DLG1: variants seen among roughly 807,000 people sequenced by gnomAD.
DLG1 encodes discs large MAGUK scaffold protein 1.
Under a neutral mutation model 123.4 loss-of-function variants are expected in DLG1, and 42 were observed. The ratio of observed to expected loss-of-function variants is 0.34; its 90% CI spans 0.27 to 0.44. The LOEUF (loss-of-function observed/expected upper bound fraction) is 0.44. Among genes scored for constraint, DLG1 ranks in the 20% least tolerant of loss-of-function variants. The pLI, the probability that DLG1 is intolerant of heterozygous loss-of-function variation, is 1.00. For synonymous variants in DLG1, 317 were observed against 356.2 expected, an observed-to-expected ratio of 0.89 and a Z score of 1.24; for missense variants, 942 against 1,082.6, an observed-to-expected ratio of 0.87 and a Z score of 1.82.
chr3:197,077,239 A>ATG (rs1436134304), intron 17 of DLG1, among the ~76,000 whole-genome samples: 2 of 150,838 alleles, frequency 1.3e-5, no homozygotes, highest in Admixed American at 1.3e-4. Flanking sequence ...AAATATATAT[A>ATG]TATTTATATA....
chr3:197,218,894 A>C (rs3010117), intron 4 of DLG1, among the ~76,000 whole-genome samples: 42,799 of 152,096 alleles, frequency 0.28, 6,385 homozygotes, highest in Middle Eastern at 0.38. Context: ...CACTTTGGGA[A>C]GCCGAGGCGG....
intron 4 of DLG1, among the ~76,000 whole-genome samples, chr3:197,262,429 T>A (rs543033536): frequency 7.0e-4 from 107 of 152,334 alleles, no homozygotes; most frequent in Non-Finnish European, 1.0e-3. Context: ...TTCATCTGTA[T>A]CCTTTATAAC....
chr3:197,296,482 G>T lies in DLG1; in HGVS notation c.20-5C>A, dbSNP rs767798512. Reference sequence around the variant, plus strand: ...GGTGCAATGCTCTCTGGGTATCTGAGAAGAAAAAGCAGAGCCTGATTAAAA... The same window carrying T: ...GGTGCAATGCTCTCTGGGTATCTGATAAGAAAAAGCAGAGCCTGATTAAAA... On this transcript the variant is annotated splice_region_variant and splice_polypyrimidine_tract_variant and intron_variant, in intron 2 of 24. Transcript: ENST00000667157. 1 of 1,612,422 alleles carries T rather than the reference G, an allele frequency of 6.2e-7. No homozygotes were observed. Among genetic ancestry groups the T allele is most frequent in the Non-Finnish European group, 8.5e-7 (1 of 1,179,280 alleles).
intron 17 of DLG1, among the ~76,000 whole-genome samples, chr3:197,079,087 G>T (rs905334820): frequency 2.0e-5 from 3 of 152,096 alleles, no homozygotes; most frequent in African/African-American, 7.2e-5. Flanking sequence ...AGACAAAAAT[G>T]TGTAGGGAAA....
intron 3 of DLG1, among the ~76,000 whole-genome samples, chr3:197,294,274 T>TG (rs2151276952): frequency 6.6e-6 from 1 of 152,270 alleles, no homozygotes; most frequent in Admixed American, 6.5e-5. Context: ...GAACATTAAA[T>TG]ATAAGTAAAT....
At chr3:197,263,471 G>A (rs2150979908) in intron 4 of DLG1, among the ~76,000 whole-genome samples, 1 of 152,184 alleles carries the variant, frequency 6.6e-6, no homozygotes, top group Admixed American at 6.5e-5. Context: ...GGATTCTAAG[G>A]TCCAACAGGA....
chr3:197,113,727 TTAGA>T (rs1207759344), intron 13 of DLG1, among the ~76,000 whole-genome samples: 1 of 152,192 alleles, frequency 6.6e-6, no homozygotes, highest in African/African-American at 2.4e-5. Context: ...GCTTTTAAGA[TTAGA>T]TAAAGAAAAT....
intron 6 of DLG1, among the ~76,000 whole-genome samples, chr3:197,147,763 C>T (rs1029984131): frequency 2.6e-5 from 4 of 151,528 alleles, no homozygotes; most frequent in African/African-American, 9.7e-5. Context: ...CAGAAATCAC[C>T]ACTAACTTAT....
intron 4 of DLG1, among the ~76,000 whole-genome samples, chr3:197,229,911 G>C (rs941555002): frequency 7.9e-5 from 12 of 152,208 alleles, no homozygotes; most frequent in African/African-American, 2.9e-4. Context: ...TTTGATAAAT[G>C]AGAGAAACTC....
chr3:197,163,948 G>GT (rs1029075659), intron 5 of DLG1, among the ~76,000 whole-genome samples: 2 of 151,966 alleles, frequency 1.3e-5, no homozygotes, highest in Non-Finnish European at 2.9e-5. Context: ...TAAAAGACTA[G>GT]TAAGTTATAC....
intron 4 of DLG1, among the ~76,000 whole-genome samples, chr3:197,245,585 G>T (rs554030423): frequency 6.6e-6 from 1 of 152,188 alleles, no homozygotes; most frequent in Non-Finnish European, 1.5e-5. Context: ...ATAGCCTGAG[G>T]TCCCCAGTGG....
rs80327161 is a variant in DLG1, at chr3:197,282,103, A to G, written c.318+576T>C. Among the ~76,000 whole-genome samples the G allele has an allele frequency of 9.2e-5, 14 of 152,342 alleles. No individual in the cohort carries two copies. In the East Asian group the frequency reaches 2.7e-3, roughly 29 times the overall value. ...CTGCTTCATACCTCTGCTATACCAT[A>G]TCCAACTGGGCAACAGTATAACACA... On this transcript the variant is annotated intron_variant, in intron 4 of 24. Transcript: ENST00000667157.
intron 4 of DLG1, among the ~76,000 whole-genome samples, chr3:197,224,457 CTG>C (rs897287688): frequency 6.6e-6 from 1 of 152,146 alleles, no homozygotes; most frequent in Non-Finnish European, 1.5e-5. Context: ...CTAAAACACT[CTG>C]TTGTACATAC....
At chr3:197,262,140 A>G (rs1759703375) in intron 4 of DLG1, among the ~76,000 whole-genome samples, 1 of 152,180 alleles carries the variant, frequency 6.6e-6, no homozygotes, top group African/African-American at 2.4e-5. Context: ...AGACCCCTAG[A>G]AAGCCTCAGG....
chr3:197,193,824 CT>C (rs541980236), intron 5 of DLG1, among the ~76,000 whole-genome samples: 473 of 143,498 alleles, frequency 3.3e-3, no homozygotes, highest in African/African-American at 5.2e-3. Context: ...TGTTAATGCT[CT>C]TTTTTTTTTT....
chr3:197,176,940 A>C lies in DLG1; in HGVS notation c.483+17485T>G, dbSNP rs1414371280. ...TATGCTTTTCTAGAGTGTCCTATTG[A>C]ACAAATGATATAAATTTTATTTTTA... is the stretch of plus-strand genomic sequence containing the variant. On this transcript the variant is annotated intron_variant, in intron 5 of 24. Transcript: ENST00000667157. Among the ~76,000 whole-genome samples, 8 of 151,944 alleles carry C rather than the reference A, an allele frequency of 5.3e-5. No homozygotes were observed. The South Asian group carries it at 8.3e-4, about 16-fold the overall frequency.
At chr3:197,294,029 CTG>C (rs1451143937) in intron 3 of DLG1, 16 of 152,466 alleles carry the variant, frequency 1.0e-4, no homozygotes, top group African/African-American at 3.1e-4. Flanking sequence ...ATTTATGACA[CTG>C]TTTCAAAACA....
chr3:197,044,582 A>AAAT lies in DLG1; in HGVS notation c.*38_*40dup, dbSNP rs777459282. ...GGAAAGGGCAAAGAGATGCCAAAGA[A>AAAT]AATGGAATTGTGGAAAAGAGAAACA... On this transcript the variant is annotated 3_prime_UTR_variant, in exon 25 of 25. Transcript: ENST00000667157. 1.7e-5 allele frequency: 25 copies of AAAT among 1,434,812 alleles called. No homozygotes were observed. The East Asian group carries it at 1.8e-4, about 10-fold the overall frequency. The allele number at this position is 1,434,812 out of a possible 1,614,324, so 88.9% of individuals were successfully genotyped here.
chr3:197,205,447 T>C (rs1021055558), intron 4 of DLG1, among the ~76,000 whole-genome samples: 3 of 152,186 alleles, frequency 2.0e-5, no homozygotes, highest in African/African-American at 4.8e-5. Flanking sequence ...ACAACCCAAG[T>C]AGAATACATT....
Sources: gnomAD v4.1 joint callset for allele counts (sites outside exome capture counted in the v4.1 genomes callset) on GRCh38, gnomAD v4.1.1 for gene constraint, MANE v1.5 for transcripts, NCBI Gene and HGNC (gene_info 2026-07-23, HGNC 2026-07-21) for gene names.